The following NDE1 variants were observed in gnomAD, a reference collection of about 807,000 sequenced individuals.
NDE1 encodes nuclear distribution protein nudE homolog 1.
NDE1 carries 28 observed loss-of-function variants against 43.4 expected under a neutral mutation model. The ratio of observed to expected loss-of-function variants is 0.65; its 90% CI spans 0.48 to 0.89. NDE1 has a LOEUF of 0.89. Ranked by LOEUF, NDE1 falls within the 40% of genes least tolerant of loss-of-function variation. NDE1 has a pLI of 0.00. For synonymous variants in NDE1, 184 were observed against 172.0 expected, an observed-to-expected ratio of 1.07 and a Z score of -0.55; for missense variants, 441 against 434.1, an observed-to-expected ratio of 1.02 and a Z score of -0.14.
upstream of NDE1, among the ~76,000 whole-genome samples, chr16:15,646,273 G>A (rs1261829620): frequency 6.6e-6 from 1 of 152,110 alleles, no homozygotes; most frequent in African/African-American, 2.4e-5. Flanking sequence ...GAGTGGTTAG[G>A]GCCAAATAAA....
chr16:15,681,341 C>T (rs886840804), intron 4 of NDE1, among the ~76,000 whole-genome samples: 2 of 125,632 alleles, frequency 1.6e-5, no homozygotes, highest in Non-Finnish European at 3.1e-5. Flanking sequence ...TTACAGCTCA[C>T]TGGAGCCTTG....
At chr16:15,662,927 G>A (rs1283698551) in intron 1 of NDE1, among the ~76,000 whole-genome samples, 1 of 151,910 alleles carries the variant, frequency 6.6e-6, no homozygotes, top group East Asian at 1.9e-4. Context: ...CCCATCTTAG[G>A]CCTTGTCCTT....
At chr16:15,714,674 G>A (rs980715096) in intron 8 of NDE1, 15 of 604,150 alleles carry the variant, frequency 2.5e-5, no homozygotes, top group Non-Finnish European at 3.5e-5. Flanking sequence ...GATGGGAGAC[G>A]GTCGATCGTT....
At position 15,667,627 on chromosome 16, in the gene NDE1, G is replaced by GTTTT. The variant is rs1177615503; in HGVS notation, c.237+189_237+192dup. ...GTGCCTCTAGTGGGTGGTGCTTTTT[G>GTTTT]TTTTGTTTTTTTTTTTTTTTTGAGA... On this transcript the variant is annotated intron_variant, in intron 3 of 8. Coordinates refer to ENST00000396354, the MANE Select transcript of NDE1 (RefSeq NM_017668.3). Among the ~76,000 whole-genome samples the GTTTT allele has an allele frequency of 2.3e-3, 261 of 113,084 alleles. 13 individuals are homozygous for GTTTT. Among genetic ancestry groups the GTTTT allele is most frequent in the South Asian group, 3.5e-3 (12 of 3,420 alleles). 74.2% of individuals were successfully genotyped at this position (113,084 alleles called of 152,430 possible).
At chr16:15,720,129 C>T (rs1381701807) in intron 8 of NDE1, 2 of 1,614,130 alleles carry the variant, frequency 1.2e-6, no homozygotes, top group South Asian at 2.2e-5. Flanking sequence ...CACCCATGCC[C>T]CAAGCTCCTA....
chr16:15,686,086 G>C (rs1439827711), intron 4 of NDE1, among the ~76,000 whole-genome samples: 1 of 151,938 alleles, frequency 6.6e-6, no homozygotes, highest in African/African-American at 2.4e-5. Context: ...CGAGCAGCTG[G>C]GACTACATGT....
intron 3 of NDE1, among the ~76,000 whole-genome samples, chr16:15,669,196 A>G (rs8063467): frequency 0.48 from 68,798 of 141,856 alleles, 16,581 homozygotes; most frequent in Middle Eastern, 0.66. Flanking sequence ...CACTGTGCCC[A>G]GCCTGTTTTT....
At position 15,725,163 on chromosome 16, in the gene NDE1, A is replaced by AC. The variant is rs2040693427; in HGVS notation, c.*912_*913insC. ...AAAAAAAAAAAACACACACACACAC[A>AC]AAAAAAACAGAATCTGTGGCTTGAA... On this transcript the variant is annotated 3_prime_UTR_variant, in exon 9 of 9. Coordinates refer to ENST00000396354, the MANE Select transcript of NDE1 (RefSeq NM_017668.3). 6.3e-6 allele frequency: 4 copies of AC among 638,606 alleles called. No individual in the cohort carries two copies. Among genetic ancestry groups the AC allele is most frequent in the South Asian group, 5.5e-5 (3 of 54,818 alleles). 39.6% of individuals were successfully genotyped at this position (638,606 alleles called of 1,614,324 possible).
At chr16:15,709,469 C>T (rs1167823826) in intron 8 of NDE1, among the ~76,000 whole-genome samples, 2 of 152,050 alleles carry the variant, frequency 1.3e-5, no homozygotes, top group African/African-American at 4.8e-5. Context: ...CATGCACCAC[C>T]GTGGCTGGCT....
At chr16:15,643,736 G>T (rs1461531459) in exon 1 of NDE1, 2 of 214,700 alleles carry the variant, frequency 9.3e-6, no homozygotes, top group South Asian at 5.3e-5. Flanking sequence ...CGGAGTTCTC[G>T]CAAAGTTGCG....
Position 15,696,734 on chromosome 16 carries a change from G to A in NDE1, c.821G>A (p.Cys274Tyr), listed in dbSNP as rs369508846. The A allele has an allele frequency of 5.6e-6, 9 of 1,614,186 alleles. No individual in the cohort carries two copies. The highest frequency in any genetic ancestry group is 7.6e-6 in the Non-Finnish European group (9 of 1,180,036). Residue 274 changes from cysteine (C) to tyrosine (Y), a missense_variant, in exon 8 of 9, where the codon TGC (cysteine) becomes TAC (tyrosine). Physicochemically the swap from Cys to Tyr is radical, Grantham distance 194 (BLOSUM62 -2). Coordinates refer to ENST00000396354, the MANE Select transcript of NDE1 (RefSeq NM_017668.3). Reference protein sequence around the residue: ...VGALESKLASCRNLVYDQSPN... With the variant: ...VGALESKLASYRNLVYDQSPN... ...GCACTGGAGTCCAAACTCGCTTCCTGCCGGAACCTCGTGTACGATCAGTCC... is the reference window on the plus strand; with the variant it reads ...GCACTGGAGTCCAAACTCGCTTCCTACCGGAACCTCGTGTACGATCAGTCC...
At chr16:15,682,455 A>G (rs886883506) in intron 4 of NDE1, among the ~76,000 whole-genome samples, 2 of 152,190 alleles carry the variant, frequency 1.3e-5, no homozygotes, top group Admixed American at 6.6e-5. Flanking sequence ...CAAGAACAAG[A>G]GTTTCTCAGC....
intron 3 of NDE1, among the ~76,000 whole-genome samples, chr16:15,669,655 C>T (rs1034573862): frequency 6.0e-5 from 9 of 151,086 alleles, no homozygotes; most frequent in Non-Finnish European, 5.9e-5. Flanking sequence ...CCACCACGCC[C>T]GGCTAATTTT....
intron 8 of NDE1, chr16:15,718,230 C>T: frequency 1.9e-6 from 3 of 1,595,388 alleles, no homozygotes; most frequent in South Asian, 1.1e-5. Context: ...ACACAGGAAG[C>T]CGCCACGCGT....
At chr16:15,663,794 C>T (rs1371351409) in intron 1 of NDE1, among the ~76,000 whole-genome samples, 7 of 151,220 alleles carry the variant, frequency 4.6e-5, no homozygotes, top group Non-Finnish European at 8.8e-5. Context: ...GGGTTGGGTG[C>T]GGTGGTTCAC....
At chr16:15,703,880 T>A in intron 8 of NDE1, 1 of 1,401,946 alleles carries the variant, frequency 7.1e-7, no homozygotes, top group South Asian at 1.2e-5. Context: ...TAGACAATGC[T>A]AAGTACAGTC....
chr16:15,649,169 C>A (rs2036393466), upstream of NDE1, among the ~76,000 whole-genome samples: 1 of 152,182 alleles, frequency 6.6e-6, no homozygotes, highest in African/African-American at 2.4e-5. Context: ...GCATTCCAGC[C>A]TGGGAGACAG....
chr16:15,667,728 T>C (rs2037389626), intron 3 of NDE1, among the ~76,000 whole-genome samples: 1 of 146,784 alleles, frequency 6.8e-6, no homozygotes, highest in Admixed American at 7.1e-5. Context: ...ACCTCCCAGG[T>C]TCAAGTAATT....
chr16:15,680,366 C>A (rs2038113466), intron 4 of NDE1, among the ~76,000 whole-genome samples: 1 of 152,056 alleles, frequency 6.6e-6, no homozygotes, highest in African/African-American at 2.4e-5. Flanking sequence ...CAGACTTCAC[C>A]CAGTCTTGTT....
Sources: allele counts gnomAD v4.1 joint callset (sites outside exome capture counted in the v4.1 genomes callset), GRCh38; gene constraint gnomAD v4.1.1; transcripts MANE v1.5; gene names NCBI Gene and HGNC (gene_info 2026-07-23, HGNC 2026-07-21).